DOCK3: variants seen among roughly 807,000 people sequenced by gnomAD.
The protein encoded by DOCK3 is dedicator of cytokinesis 3, also known as dedicator of cytokinesis protein 3.
A neutral mutation model predicts 265.6 loss-of-function variants in DOCK3; 60 were observed. That is an observed-to-expected ratio of 0.23 (90% confidence interval 0.18 to 0.28). The LOEUF (loss-of-function observed/expected upper bound fraction) is 0.28. Ranked by LOEUF, DOCK3 falls within the 10% of genes least tolerant of loss-of-function variation. The pLI is 1.00. For synonymous variants in DOCK3, 881 were observed against 938.0 expected (o/e 0.94, Z 1.11); for missense variants, 1,981 against 2,594.3 (o/e 0.76, Z 5.14).
intron 5 of DOCK3, among the ~76,000 whole-genome samples, chr3:50,987,283 A>G (rs935385556): frequency 1.3e-5 from 2 of 152,248 alleles, no homozygotes; most frequent in African/African-American, 2.4e-5. Flanking sequence ...AATACATTCT[A>G]GAAATTTATC....
At chr3:50,762,447 A>G (rs559499084) in intron 1 of DOCK3, among the ~76,000 whole-genome samples, 87 of 152,144 alleles carry the variant, frequency 5.7e-4, no homozygotes, top group Non-Finnish European at 9.3e-4. Context: ...AGTTTTGGTC[A>G]TCAATATGGT....
intron 4 of DOCK3, among the ~76,000 whole-genome samples, chr3:50,915,093 A>G (rs973091731): frequency 6.6e-6 from 1 of 152,088 alleles, no homozygotes; most frequent in Non-Finnish European, 1.5e-5. Flanking sequence ...ATGTGGGCCC[A>G]GAGTGCCAGG....
chr3:51,121,191 G>A (rs2084001275), intron 9 of DOCK3, among the ~76,000 whole-genome samples: 2 of 152,154 alleles, frequency 1.3e-5, no homozygotes. Flanking sequence ...ATCTGGGCCA[G>A]ATAGCACCAT....
chr3:51,046,132 C>T lies in DOCK3; in HGVS notation c.316-18316C>T, dbSNP rs1294680118. On this transcript the variant is annotated intron_variant, in intron 5 of 52. Transcript: ENST00000266037. ...TATAGAAAAAAGAATGAAATTATAT[C>T]ACTACAAAAAATCATTAAATCACAA... Among the ~76,000 whole-genome samples the T allele has an allele frequency of 2.0e-5, 3 of 152,006 alleles. No homozygotes were observed. The East Asian group carries it at 5.8e-4, about 29-fold the overall frequency.
At chr3:50,691,126 CA>C (rs1320383360) in intron 1 of DOCK3, among the ~76,000 whole-genome samples, 1 of 150,588 alleles carries the variant, frequency 6.6e-6, no homozygotes, top group Non-Finnish European at 1.5e-5. Context: ...ACTAAAAATA[CA>C]AAAAAAATTA....
chr3:51,362,056 T>C, intron 48 of DOCK3, 59 bp downstream of exon 48: 2 of 1,538,372 alleles, frequency 1.3e-6, no homozygotes, highest in South Asian at 1.2e-5. Flanking sequence ...CTCACCTTGC[T>C]GTTGCAATGT....
At position 51,381,090 on chromosome 3, in the gene DOCK3, A is replaced by G. The variant is rs999176040; in HGVS notation, c.5624A>G (p.Gln1875Arg). 2.5e-6 allele frequency: 4 copies of G among 1,610,650 alleles called. No homozygotes were observed. The highest frequency in any genetic ancestry group is 4.5e-5 in the East Asian group (2 of 44,784). ...HPIPASPTSP[Q>R]SGLDGSNSTL... ...ATCCCAGCCTCCCCCACAAGCCCCC[A>G]GTCAGGTCTGGACGGCAGCAACTCT... The change falls in exon 53 of 53, where the codon CAG becomes CGG. Residue 1875 changes from glutamine to arginine, a missense_variant. Transcript: ENST00000266037. The surrounding 1 kb of genome is among the most constrained non-coding windows in gnomAD (Gnocchi z 5.6).
At chr3:51,234,582 A>G (rs1338662827) in intron 19 of DOCK3, among the ~76,000 whole-genome samples, 5 of 152,358 alleles carry the variant, frequency 3.3e-5, no homozygotes, top group Admixed American at 6.5e-5. Context: ...TTTAAAAACT[A>G]TATTTAAGCC....
At chr3:50,754,700 C>T (rs2040049922) in intron 1 of DOCK3, among the ~76,000 whole-genome samples, 1 of 151,762 alleles carries the variant, frequency 6.6e-6, no homozygotes, top group Non-Finnish European at 1.5e-5. Context: ...GCTGGGATTA[C>T]AGGTGTGCGC....
At chr3:51,355,981 T>C (rs1412322694) in intron 41 of DOCK3, 108 bp from the exon 42 acceptor site, 1 of 1,425,610 alleles carries the variant, frequency 7.0e-7, no homozygotes, top group Non-Finnish European at 9.7e-7. Context: ...GGGCTGTCAG[T>C]AAGGAGCAGG....
In DOCK3 at chr3:50,766,880, A is replaced by T. The variant is rs540307242; in HGVS notation, c.38-11795A>T. On this transcript the variant is annotated intron_variant, in intron 1 of 52. Coordinates refer to ENST00000266037, the MANE Select transcript of DOCK3 (RefSeq NM_004947.5). ...GCATTTCTCTTATGACCAGTGATGA[A>T]GAGCATTTTTTCATGTGTCTGTTGG... Among the ~76,000 whole-genome samples, 48 of 152,254 alleles carry T rather than the reference A, an allele frequency of 3.2e-4. 1 individual carries two copies. Among genetic ancestry groups the T allele is most frequent in the African/African-American group, 1.0e-3 (43 of 41,544 alleles).
At chr3:50,962,482 G>C (rs2076915341) in intron 5 of DOCK3, among the ~76,000 whole-genome samples, 1 of 152,156 alleles carries the variant, frequency 6.6e-6, no homozygotes, top group African/African-American at 2.4e-5. Context: ...ATGAGGACTA[G>C]ATACCTGCCA....
At chr3:50,724,094 A>G (rs1025626876) in intron 1 of DOCK3, among the ~76,000 whole-genome samples, 2 of 152,258 alleles carry the variant, frequency 1.3e-5, no homozygotes, top group East Asian at 1.9e-4. Context: ...TATGAAAAAA[A>G]TCCTCATCAT....
In DOCK3 at chr3:51,160,782, A is replaced by T. The variant is rs191375703; in HGVS notation, c.1037+80A>T. The T allele has an allele frequency of 2.0e-6, 3 of 1,504,132 alleles. No homozygotes were observed. In the African/African-American group the frequency reaches 4.2e-5, roughly 21 times the overall value. 93.2% of individuals were successfully genotyped at this position (1,504,132 alleles called of 1,614,324 possible). A position where few individuals can be genotyped will look rare whatever the true frequency, so the allele number is the denominator to read the frequency against. ...CTGCCCTTGAGAGTAGTAGTGCTCA[A>T]ACCTTGTGGACACAGGCCACGCAGT... On this transcript the variant is annotated intron_variant, in intron 12 of 52. Transcript: ENST00000266037.
At chr3:51,102,796 C>T (rs960522941) in intron 9 of DOCK3, among the ~76,000 whole-genome samples, 2 of 152,080 alleles carry the variant, frequency 1.3e-5, no homozygotes, top group Non-Finnish European at 2.9e-5. Flanking sequence ...AAAATATATA[C>T]AATTATGAGT....
At chr3:50,945,042 A>G (rs2076391309) in intron 5 of DOCK3, among the ~76,000 whole-genome samples, 1 of 152,212 alleles carries the variant, frequency 6.6e-6, no homozygotes, top group South Asian at 2.1e-4. Context: ...TAAACATGGC[A>G]TTTTCTGTGA....
At chr3:51,191,448 T>C (rs2087941725) in intron 12 of DOCK3, among the ~76,000 whole-genome samples, 1 of 152,144 alleles carries the variant, frequency 6.6e-6, no homozygotes, top group Non-Finnish European at 1.5e-5. Flanking sequence ...TCCCTGCTGC[T>C]CCTACTTTTA....
intron 5 of DOCK3, among the ~76,000 whole-genome samples, chr3:51,026,226 G>C (rs1393454892): frequency 6.6e-6 from 1 of 152,078 alleles, no homozygotes; most frequent in Non-Finnish European, 1.5e-5. Context: ...TGAGTCTATT[G>C]AGATGGTCAT....
intron 9 of DOCK3, among the ~76,000 whole-genome samples, chr3:51,120,604 G>A (rs2083966854): frequency 6.6e-6 from 1 of 152,188 alleles, no homozygotes; most frequent in Non-Finnish European, 1.5e-5. Context: ...CAGGGAGATG[G>A]GAGTTTGATC....
Sources: gnomAD v4.1 joint callset for allele counts (sites outside exome capture counted in the v4.1 genomes callset) on GRCh38, gnomAD v4.1.1 for gene constraint, Gnocchi (gnomAD v3.1) non-coding constraint, MANE v1.5 for transcripts, NCBI Gene and HGNC (gene_info 2026-07-23, HGNC 2026-07-21) for gene names.